Variants in PMPCA observed in about 807,000 individuals in gnomAD.
PMPCA encodes the protein peptidase, mitochondrial processing subunit alpha, also known as mitochondrial-processing peptidase subunit alpha.
A neutral mutation model predicts 59.3 loss-of-function variants in PMPCA; 47 were observed. That is an observed-to-expected ratio of 0.79 (90% CI 0.63 to 1.01). The LOEUF is 1.01. Among genes scored for constraint, PMPCA ranks in the 50% least tolerant of loss-of-function variants. PMPCA has a pLI of 0.00. For missense variants in PMPCA, 726 were observed against 704.5 expected (o/e 1.03, Z -0.34); for synonymous variants, 338 against 290.3 (o/e 1.16, Z -1.67).
chr9:136,412,909 G>T lies in PMPCA; in HGVS notation c.437+17G>T. On this transcript the variant is annotated intron_variant, in intron 4 of 12. Transcript: ENST00000371717. ...GACATCAAGGTACACCAGCTTTTGT[G>T]TACAAACTGACTTTGGGTCCTTGGG... 1 of 1,475,734 alleles carries T rather than the reference G, an allele frequency of 6.8e-7. No individual in the cohort carries two copies. Among genetic ancestry groups the T allele is most frequent in the Non-Finnish European group, 9.5e-7 (1 of 1,055,770 alleles). The allele number at this position is 1,475,734 out of a possible 1,614,324, so 91.4% of individuals were successfully genotyped here.
Position 136,421,827 on chromosome 9 carries a change from C to T in PMPCA, c.1264-5C>T. The T allele has an allele frequency of 7.0e-6, 11 of 1,580,950 alleles. No individual in the cohort carries two copies. Among genetic ancestry groups the T allele is most frequent in the Non-Finnish European group, 9.5e-6 (11 of 1,159,092 alleles). On this transcript the variant is annotated splice_region_variant and splice_polypyrimidine_tract_variant and intron_variant, in intron 11 of 12. Transcript: ENST00000371717. Reference sequence around the variant, plus strand: ...TGTGCTCACCTGACTGGACCCTGGCCCCAGGTGGAGCTGGAACGAGCCAAG... The same window carrying T: ...TGTGCTCACCTGACTGGACCCTGGCTCCAGGTGGAGCTGGAACGAGCCAAG...
chr9:136,419,370 A>G lies in PMPCA; in HGVS notation c.1263+264A>G, dbSNP rs375509685. 229 of 563,820 alleles carry G rather than the reference A, an allele frequency of 4.1e-4. 1 individual carries two copies. Among genetic ancestry groups the G allele is most frequent in the East Asian group, 3.9e-3 (128 of 33,112 alleles). The allele number at this position is 563,820 out of a possible 1,614,324, so 34.9% of individuals were successfully genotyped here. On this transcript the variant is annotated intron_variant, in intron 11 of 12. Coordinates refer to ENST00000371717, the MANE Select transcript of PMPCA (RefSeq NM_015160.3). Reference sequence around the variant, plus strand: ...GCCCTCCCCCAGTGCTCGGTCCACTACTTCTTTCTCTGAGCCACTGGGTGA... The same window carrying G: ...GCCCTCCCCCAGTGCTCGGTCCACTGCTTCTTTCTCTGAGCCACTGGGTGA...
intron 7 of PMPCA, 47 bp from the exon 8 acceptor site, chr9:136,417,970 C>G (rs1430565744): frequency 7.4e-7 from 1 of 1,357,082 alleles, no homozygotes; most frequent in African/African-American, 1.4e-5. Context: ...TTTGCGAGCC[C>G]TCATTGTTTT....
At chr9:136,415,455 G>T (rs541286116) in intron 5 of PMPCA, among the ~76,000 whole-genome samples, 134 of 152,336 alleles carry the variant, frequency 8.8e-4, no homozygotes, top group African/African-American at 3.0e-3. Flanking sequence ...CCTCAGCCTT[G>T]CAGATGGCAG....
rs561869136 is a variant in PMPCA at position 136,423,495 on chromosome 9, G to T, written c.*231G>T. ...CCAGGAAGCAGGTGAAGTGCCCAGCGCTGGAGTGCAGCGTGCCACGAGGAG... is the reference window on the plus strand; with the variant it reads ...CCAGGAAGCAGGTGAAGTGCCCAGCTCTGGAGTGCAGCGTGCCACGAGGAG... On this transcript the variant is annotated 3_prime_UTR_variant, in exon 13 of 13. Transcript: ENST00000371717. 1.3e-5 allele frequency: 7 copies of T among 529,680 alleles called. No individual in the cohort carries two copies. The South Asian group carries it at 1.6e-4, about 12-fold the overall frequency. 32.8% of individuals were successfully genotyped at this position (529,680 alleles called of 1,614,324 possible).
intron 11 of PMPCA, chr9:136,420,755 G>A (rs1835424820): frequency 6.6e-6 from 1 of 152,196 alleles, no homozygotes; most frequent in Non-Finnish European, 1.5e-5. Context: ...TTAGGTATTT[G>A]CCTAAAGTTG....
At chr9:136,410,760 G>T (rs778361907) in intron 1 of PMPCA, 21 bp downstream of exon 1, 3 of 1,394,496 alleles carry the variant, frequency 2.2e-6, no homozygotes, top group Non-Finnish European at 2.8e-6. Context: ...GGCGAACCAG[G>T]CTTCGGCCTG....
In PMPCA at chr9:136,417,056, A is replaced by T; in HGVS notation, c.739A>T (p.Thr247Ser). ...GCATTCCTACCTGAGGAACTACTAC[A>T]CTCCCGACCGCATGGTGCTGGCCGG... ...VLHSYLRNYY[T>S]PDRMVLAGVG... The change falls in exon 7 of 13, where the codon ACT (threonine) becomes TCT (serine). Residue 247 changes from threonine to serine, a missense_variant. Coordinates refer to ENST00000371717, the MANE Select transcript of PMPCA (RefSeq NM_015160.3). 1 of 1,613,690 alleles carries T rather than the reference A, an allele frequency of 6.2e-7. No individual in the cohort carries two copies. The highest frequency in any genetic ancestry group is 8.5e-7 in the Non-Finnish European group (1 of 1,179,950).
intron 8 of PMPCA, 104 bp from the exon 9 acceptor site, chr9:136,418,451 G>C (rs561866954): frequency 1.3e-6 from 1 of 772,834 alleles, no homozygotes; most frequent in South Asian, 1.6e-5. Context: ...CGCTCCTGAC[G>C]TGGCTTGGGC....
At position 136,412,482 on chromosome 9, in the gene PMPCA, A is replaced by G. The variant is rs1396561542; in HGVS notation, c.275-8A>G. ...GATGTAACCTGTCAATTTTCTTTTTACTACTAGTTCTTATCAATTCAGGAT... is the reference window on the plus strand; with the variant it reads ...GATGTAACCTGTCAATTTTCTTTTTGCTACTAGTTCTTATCAATTCAGGAT... On this transcript the variant is annotated splice_region_variant and splice_polypyrimidine_tract_variant and intron_variant, in intron 2 of 12. Transcript: ENST00000371717. The G allele has an allele frequency of 1.4e-6, 2 of 1,380,890 alleles. No individual in the cohort carries two copies. The highest frequency in any genetic ancestry group is 1.2e-5 in the South Asian group (1 of 81,576). 85.5% of individuals were successfully genotyped at this position (1,380,890 alleles called of 1,614,324 possible).
chr9:136,412,291 G>A (rs1835151704), intron 2 of PMPCA, 92 bp downstream of exon 2: 2 of 992,322 alleles, frequency 2.0e-6, no homozygotes, highest in Non-Finnish European at 3.2e-6. Flanking sequence ...TGCCAATTAT[G>A]AATTGTACCC....
Position 136,418,867 on chromosome 9 carries a change from C to G in PMPCA, c.1149C>G (p.Ser383Arg). Residue 383 changes from serine to arginine, a missense_variant, in exon 10 of 13, where the codon AGC becomes AGG. Physicochemically the swap from Ser to Arg is moderately radical, Grantham distance 110. Coordinates refer to ENST00000371717, the MANE Select transcript of PMPCA (RefSeq NM_015160.3). Reference sequence around the variant, plus strand: ...ATAACGCGACCTCCTACCACCACAGCTACGAGGACACTGGCCTCCTTTGCA... The same window carrying G: ...ATAACGCGACCTCCTACCACCACAGGTACGAGGACACTGGCCTCCTTTGCA... ...WMYNATSYHH[S>R]YEDTGLLCIH... 1.9e-6 allele frequency: 3 copies of G among 1,613,542 alleles called. No homozygotes were observed. The South Asian group carries it at 3.3e-5, about 18-fold the overall frequency.
chr9:136,422,823 C>T, intron 12 of PMPCA: 5 of 1,253,058 alleles, frequency 4.0e-6, no homozygotes, highest in South Asian at 2.2e-5. Context: ...ACACGGAGCT[C>T]GCTCTTCTGT....
At chr9:136,422,371 G>C (rs777900326) in intron 12 of PMPCA, 18 of 1,134,620 alleles carry the variant, frequency 1.6e-5, no homozygotes, top group Non-Finnish European at 2.0e-5. Context: ...TCGGGCAGGA[G>C]TCTCAGCCCC....
chr9:136,418,255 C>T lies in PMPCA; in HGVS notation c.990+146C>T, dbSNP rs560747601. On this transcript the variant is annotated intron_variant, in intron 8 of 12. Coordinates refer to ENST00000371717, the MANE Select transcript of PMPCA (RefSeq NM_015160.3). ...TCTGCCCTCTGTCCCTGGCATCCAG[C>T]AATGCTCCTGATGCAGTGTGGGCGA... 8.8e-5 allele frequency: 61 copies of T among 689,698 alleles called. No individual in the cohort carries two copies. The African/African-American group carries it at 9.7e-4, about 11-fold the overall frequency. The allele number at this position is 689,698 out of a possible 1,614,324, so 42.7% of individuals were successfully genotyped here. A position where few individuals can be genotyped will look rare whatever the true frequency, so the allele number is the denominator to read the frequency against.
intron 4 of PMPCA, chr9:136,413,110 GGCT>G (rs1835181090): frequency 1.9e-6 from 1 of 520,770 alleles, no homozygotes; most frequent in Non-Finnish European, 3.4e-6. Flanking sequence ...CCAGGCTGTT[GGCT>G]GCATGCCAGG....
chr9:136,417,079 C>CGGCGTG lies in PMPCA; in HGVS notation c.770_775dup (p.Gly257_Val258dup). On this transcript the variant is annotated inframe_insertion, in exon 7 of 13. Coordinates refer to ENST00000371717, the MANE Select transcript of PMPCA (RefSeq NM_015160.3). ...ACACTCCCGACCGCATGGTGCTGGC[C>CGGCGTG]GGCGTGGGCGTGGAGCACGAGCATC... The CGGCGTG allele has an allele frequency of 5.0e-6, 8 of 1,614,008 alleles. No homozygotes were observed. The highest frequency in any genetic ancestry group is 6.8e-6 in the Non-Finnish European group (8 of 1,180,042).
At chr9:136,421,496 G>A (rs1453977244) in intron 11 of PMPCA, among the ~76,000 whole-genome samples, 6 of 145,408 alleles carry the variant, frequency 4.1e-5, no homozygotes, top group Non-Finnish European at 8.9e-5. Context: ...TGCAAGCTCC[G>A]CCTCCCGGGT....
rs1238253582 is a variant in PMPCA at position 136,421,994 on chromosome 9, A to G, written c.1408+18A>G. ...GCTCATCCGTGAGTACCGCAGGGGT[A>G]GTGAGGGGCTGCCGCAGGCCTCGGC... On this transcript the variant is annotated intron_variant, in intron 12 of 12. Transcript: ENST00000371717. 14 of 1,599,268 alleles carry G rather than the reference A, an allele frequency of 8.8e-6. No homozygotes were observed. The highest frequency in any genetic ancestry group is 1.2e-5 in the Non-Finnish European group (14 of 1,172,900).
Sources: allele counts gnomAD v4.1 joint callset (sites outside exome capture counted in the v4.1 genomes callset), GRCh38; gene constraint gnomAD v4.1.1; transcripts MANE v1.5; gene names NCBI Gene and HGNC (gene_info 2026-07-23, HGNC 2026-07-21).